Variants in LRFN5 observed in about 807,000 individuals in gnomAD.
LRFN5 encodes leucine rich repeat and fibronectin type III domain containing 5, also known as leucine-rich repeat and fibronectin type-III domain-containing protein 5.
Under a neutral mutation model 45.6 loss-of-function variants are expected in LRFN5, and 24 were observed. That is an observed-to-expected ratio of 0.53 (90% CI 0.38 to 0.74). The LOEUF (loss-of-function observed/expected upper bound fraction) is 0.74, where lower values mean the gene tolerates loss of function less well. LRFN5 is among the 30% of genes least tolerant of loss of function. The pLI is 0.00. For missense variants in LRFN5, 776 were observed against 861.5 expected, an observed-to-expected ratio of 0.90 and a Z score of 1.24; for synonymous variants, 340 against 313.8, an observed-to-expected ratio of 1.08 and a Z score of -0.88.
chr14:41,724,871 C>T, intron 1 of LRFN5, among the ~76,000 whole-genome samples: 1 of 152,144 alleles, frequency 6.6e-6, no homozygotes, highest in East Asian at 1.9e-4. Context: ...TTTGAACTTT[C>T]TATTTCAAAC....
chr14:41,637,397 CT>C (rs200470604), intron 1 of LRFN5, among the ~76,000 whole-genome samples: 11 of 151,472 alleles, frequency 7.3e-5, no homozygotes, highest in Admixed American at 2.0e-4. Flanking sequence ...GGAAGGAAAA[CT>C]TTTTTTTTCC....
chr14:41,831,223 T>C (rs1888467321), intron 2 of LRFN5, among the ~76,000 whole-genome samples: 1 of 152,214 alleles, frequency 6.6e-6, no homozygotes, highest in Non-Finnish European at 1.5e-5. Context: ...TTTAATAATG[T>C]TTATTTTTTT....
chr14:41,637,816 A>T (rs944169526), intron 1 of LRFN5, among the ~76,000 whole-genome samples: 3 of 152,150 alleles, frequency 2.0e-5, no homozygotes, highest in Non-Finnish European at 4.4e-5. Context: ...ATTTCGAGGG[A>T]GTCCTTAGAA....
At chr14:41,749,679 G>C (rs1015680883) in intron 1 of LRFN5, among the ~76,000 whole-genome samples, 1 of 152,102 alleles carries the variant, frequency 6.6e-6, no homozygotes, top group Non-Finnish European at 1.5e-5. Context: ...TGGGAGGAGG[G>C]AGAGGAGAAG....
chr14:41,697,086 C>T (rs1315725584), intron 1 of LRFN5, among the ~76,000 whole-genome samples: 1 of 151,652 alleles, frequency 6.6e-6, no homozygotes, highest in East Asian at 1.9e-4. Context: ...TTATGATAAC[C>T]TCCTAAAACT....
At chr14:41,771,119 G>T (rs567163755) in intron 2 of LRFN5, among the ~76,000 whole-genome samples, 2 of 151,614 alleles carry the variant, frequency 1.3e-5, no homozygotes, top group East Asian at 4.0e-4. Context: ...AGTATATGGG[G>T]AGCAATATCT....
intron 2 of LRFN5, among the ~76,000 whole-genome samples, chr14:41,786,705 T>C (rs1886733910): frequency 6.6e-6 from 1 of 152,070 alleles, no homozygotes; most frequent in Non-Finnish European, 1.5e-5. Flanking sequence ...TCTTTCTTCA[T>C]GTACGCTTTC....
intron 1 of LRFN5, among the ~76,000 whole-genome samples, chr14:41,675,100 A>AG (rs1881551231): frequency 6.9e-6 from 1 of 144,340 alleles, no homozygotes; most frequent in Non-Finnish European, 1.5e-5. Flanking sequence ...CGGGGCAGAG[A>AG]CGCTCCTCAC....
chr14:41,719,818 G>A (rs116359791), intron 1 of LRFN5, among the ~76,000 whole-genome samples: 122 of 151,642 alleles, frequency 8.0e-4, no homozygotes, highest in African/African-American at 2.6e-3. Flanking sequence ...CCAGTTATGC[G>A]ATTGCTATGT....
chr14:41,881,866 G>A (rs920562022), intron 2 of LRFN5, among the ~76,000 whole-genome samples: 2 of 152,060 alleles, frequency 1.3e-5, no homozygotes, highest in East Asian at 3.8e-4. Context: ...ATCAAATCAT[G>A]CATGATGTCC....
At chr14:41,664,287 C>G (rs1056407254) in intron 1 of LRFN5, among the ~76,000 whole-genome samples, 3 of 151,926 alleles carry the variant, frequency 2.0e-5, no homozygotes, top group African/African-American at 7.3e-5. Flanking sequence ...TAAATTTCTA[C>G]TACTTCCCTA....
intron 1 of LRFN5, among the ~76,000 whole-genome samples, chr14:41,631,596 A>T (rs1043236077): frequency 6.6e-6 from 1 of 152,188 alleles, no homozygotes; most frequent in African/African-American, 2.4e-5. Flanking sequence ...TGAATGTAAG[A>T]TATCAAGTGT....
chr14:41,769,237 G>A (rs1024624842), intron 2 of LRFN5, among the ~76,000 whole-genome samples: 1 of 152,158 alleles, frequency 6.6e-6, no homozygotes, highest in Admixed American at 6.5e-5. Context: ...AGTAGTAGTA[G>A]CAGAATAATG....
At chr14:41,699,178 T>C (rs1882737173) in intron 1 of LRFN5, among the ~76,000 whole-genome samples, 1 of 152,120 alleles carries the variant, frequency 6.6e-6, no homozygotes, top group African/African-American at 2.4e-5. Context: ...TGGAGATTTT[T>C]ATTAAAATGA....
At chr14:41,696,780 C>T (rs188245468) in intron 1 of LRFN5, among the ~76,000 whole-genome samples, 69 of 151,956 alleles carry the variant, frequency 4.5e-4, no homozygotes, top group African/African-American at 1.3e-3. Flanking sequence ...TATGAGGTGA[C>T]GTCTCATCGT....
intron 1 of LRFN5, among the ~76,000 whole-genome samples, chr14:41,642,196 A>G (rs1879609913): frequency 6.6e-6 from 1 of 152,182 alleles, no homozygotes; most frequent in Non-Finnish European, 1.5e-5. Context: ...TAACACTTTC[A>G]TCCTTCAATA....
chr14:41,735,915 T>A (rs1483549393), intron 1 of LRFN5, among the ~76,000 whole-genome samples: 4 of 152,138 alleles, frequency 2.6e-5, no homozygotes, highest in Admixed American at 2.6e-4. Flanking sequence ...TTCATCCATG[T>A]CTCTGAAAAG....
intron 2 of LRFN5, among the ~76,000 whole-genome samples, chr14:41,796,612 CTTA>C (rs1161316613): frequency 5.3e-5 from 8 of 151,738 alleles, no homozygotes; most frequent in Admixed American, 2.6e-4. Context: ...TTGTTTGCAT[CTTA>C]TTATATTAGC....
At chr14:41,751,117 A>G (rs1054794277) in intron 1 of LRFN5, among the ~76,000 whole-genome samples, 5 of 151,652 alleles carry the variant, frequency 3.3e-5, no homozygotes, top group African/African-American at 1.2e-4. Flanking sequence ...CTATCATGAG[A>G]AGAGCACAGG....
Sources: allele counts gnomAD v4.1 joint callset (sites outside exome capture counted in the v4.1 genomes callset), GRCh38; gene constraint gnomAD v4.1.1; transcripts MANE v1.5; gene names NCBI Gene and HGNC (gene_info 2026-07-23, HGNC 2026-07-21).